Variants in GREB1L observed in about 807,000 individuals in gnomAD.
The protein encoded by GREB1L is GREB1-like protein.
In GREB1L, 17 loss-of-function variants were observed where a neutral mutation model predicts 200.8. The observed-to-expected ratio is 0.08, with a 90% CI of 0.06 to 0.13. The LOEUF is 0.13. Among genes scored for constraint, GREB1L ranks in the 10% least tolerant of loss-of-function variants. The probability of loss-of-function intolerance (pLI) is 1.00; values close to 1 mark genes in which losing one functional copy is unlikely to be tolerated. For missense variants in GREB1L, 1,657 were observed against 2,367.7 expected, an observed-to-expected ratio of 0.70 and a Z score of 6.23; for synonymous variants, 789 against 893.0, an observed-to-expected ratio of 0.88 and a Z score of 2.08.
At chr18:21,406,544 A>G (rs2030259042) in intron 7 of GREB1L, among the ~76,000 whole-genome samples, 1 of 152,236 alleles carries the variant, frequency 6.6e-6, no homozygotes, top group Non-Finnish European at 1.5e-5. Flanking sequence ...TTCTTCTGAC[A>G]CTTGAACATA....
At position 21,525,012 on chromosome 18, in the gene GREB1L, G is replaced by GTGTGTATA. The variant is rs55641891; in HGVS notation, c.*2192_*2193insGTGTATAT. On this transcript the variant is annotated 3_prime_UTR_variant, in exon 33 of 33. Coordinates refer to ENST00000424526, the MANE Select transcript of GREB1L (RefSeq NM_001142966.3). ...AAGCACAGGACACCATGATTTGTGT[G>GTGTGTATA]TATATATATATATATCCTAGTGTGT... 8.3e-5 allele frequency: 12 copies of GTGTGTATA among 145,170 alleles called. No individual in the cohort carries two copies. Among genetic ancestry groups the GTGTGTATA allele is most frequent in the East Asian group, 2.0e-4 (1 of 5,018 alleles). 9.0% of individuals were successfully genotyped at this position (145,170 alleles called of 1,614,324 possible).
intron 1 of GREB1L, among the ~76,000 whole-genome samples, chr18:21,307,517 T>C (rs1172119058): frequency 6.6e-6 from 1 of 152,194 alleles, no homozygotes; most frequent in Non-Finnish European, 1.5e-5. Context: ...TTCTTTCTCA[T>C]TGGATTATGG....
chr18:21,428,332 C>CTTTTTTTTTTTTTTTT (rs59982674), intron 7 of GREB1L, among the ~76,000 whole-genome samples: 14 of 54,038 alleles, frequency 2.6e-4, no homozygotes, highest in South Asian at 8.6e-4. Context: ...GTCTTTTTGT[C>CTTTTTTTTTTTTTTTT]TTTTTTTTTT....
At chr18:21,472,520 T>C (rs1369147898) in intron 15 of GREB1L, among the ~76,000 whole-genome samples, 2 of 152,228 alleles carry the variant, frequency 1.3e-5, no homozygotes, top group African/African-American at 4.8e-5. Flanking sequence ...AGATGGTCAC[T>C]GTATAAAAAT....
intron 1 of GREB1L, among the ~76,000 whole-genome samples, chr18:21,274,399 C>A (rs1345064286): frequency 5.9e-5 from 9 of 151,928 alleles, no homozygotes; most frequent in African/African-American, 2.2e-4. Context: ...TACACACACA[C>A]AAACAACACA....
At chr18:21,487,408 C>T (rs779543028) in intron 18 of GREB1L, among the ~76,000 whole-genome samples, 52 of 152,302 alleles carry the variant, frequency 3.4e-4, no homozygotes, top group Admixed American at 7.2e-4. Flanking sequence ...GGCTTTTCTA[C>T]GTGGCCCAGC....
At chr18:21,426,958 C>CAAAAAAAAAAAAAA (rs568993346) in intron 7 of GREB1L, among the ~76,000 whole-genome samples, 2 of 68,422 alleles carry the variant, frequency 2.9e-5, no homozygotes, top group East Asian at 6.8e-4. Context: ...GACTACGTCT[C>CAAAAAAAAAAAAAA]AAAAAAAAAA....
At position 21,522,813 on chromosome 18, in the gene GREB1L, C is replaced by T; in HGVS notation, c.5764C>T (p.His1922Tyr). 3 of 1,550,302 alleles carry T rather than the reference C, an allele frequency of 1.9e-6. No individual in the cohort carries two copies. Among genetic ancestry groups the T allele is most frequent in the Non-Finnish European group, 2.6e-6 (3 of 1,146,404 alleles). Residue 1922 changes from histidine (H) to tyrosine (Y), a missense_variant, in exon 33 of 33, where the codon CAT becomes TAT. By Grantham distance (83) the His-to-Tyr change is moderately conservative. Around this residue, in one of 9 missense-constraint regions of GREB1L, gnomAD observed 190 missense variants for 230.2 expected, o/e 0.83. Coordinates refer to ENST00000424526, the MANE Select transcript of GREB1L (RefSeq NM_001142966.3). ...GCCTCTCTACTTTCTTACTGGACGTCATGTATGAGCTTTTGAAGAGACCAA... is the reference window on the plus strand; with the variant it reads ...GCCTCTCTACTTTCTTACTGGACGTTATGTATGAGCTTTTGAAGAGACCAA... The part of the protein sequence containing the change: ...DKPLYFLTGR[H>Y]V
chr18:21,285,600 A>G (rs2038342589), intron 1 of GREB1L, among the ~76,000 whole-genome samples: 1 of 152,218 alleles, frequency 6.6e-6, no homozygotes, highest in Non-Finnish European at 1.5e-5. Flanking sequence ...AGAACAAATC[A>G]ACCAGAACCT....
intron 1 of GREB1L, among the ~76,000 whole-genome samples, chr18:21,267,134 A>T (rs1015831335): frequency 6.9e-6 from 1 of 144,070 alleles, no homozygotes. Context: ...GGGTTTCACT[A>T]TGTTGGCCAG....
At chr18:21,249,048 C>T (rs1415334640) in intron 1 of GREB1L, among the ~76,000 whole-genome samples, 1 of 152,150 alleles carries the variant, frequency 6.6e-6, no homozygotes, top group African/African-American at 2.4e-5. Flanking sequence ...ACATTAGAAA[C>T]CACCTAAACA....
rs577431883 is a variant in GREB1L at position 21,347,759 on chromosome 18, G to A, written c.-119-18268G>A. On this transcript the variant is annotated intron_variant, in intron 1 of 32. Transcript: ENST00000424526. ...CGTGAGCCACCATGCCCAGCCCCCC[G>A]ACCTTTTTTTTTTTTTTTTTTTTTT... is the stretch of plus-strand genomic sequence containing the variant. Among the ~76,000 whole-genome samples, 76 of 131,708 alleles carry A rather than the reference G, an allele frequency of 5.8e-4. 2 individuals are homozygous for A. In the South Asian group the frequency reaches 0.018, roughly 31 times the overall value. 86.4% of individuals were successfully genotyped at this position (131,708 alleles called of 152,430 possible).
At chr18:21,414,205 T>TA in intron 7 of GREB1L, among the ~76,000 whole-genome samples, 1 of 152,110 alleles carries the variant, frequency 6.6e-6, no homozygotes, top group Non-Finnish European at 1.5e-5. Context: ...ATGAAGATGC[T>TA]AAAAAAGATC....
At chr18:21,442,974 A>C (rs1008139905) in intron 10 of GREB1L, among the ~76,000 whole-genome samples, 1 of 152,074 alleles carries the variant, frequency 6.6e-6, no homozygotes, top group Non-Finnish European at 1.5e-5. Flanking sequence ...CAGTGGCACA[A>C]TCTCTGCTCA....
intron 23 of GREB1L, among the ~76,000 whole-genome samples, chr18:21,502,507 CTAGTT>C (rs1462186845): frequency 1.3e-5 from 2 of 152,154 alleles, no homozygotes; most frequent in East Asian, 3.9e-4. Context: ...GCCCAAGAAA[CTAGTT>C]TAGGGCCGAG....
intron 19 of GREB1L, among the ~76,000 whole-genome samples, chr18:21,490,794 G>A (rs755749714): frequency 5.3e-5 from 8 of 152,062 alleles, no homozygotes; most frequent in Non-Finnish European, 5.9e-5. Flanking sequence ...GTCTAGAGTC[G>A]GTAAAGTATT....
At chr18:21,456,431 C>G (rs532264124) in intron 15 of GREB1L, among the ~76,000 whole-genome samples, 1 of 152,226 alleles carries the variant, frequency 6.6e-6, no homozygotes, top group African/African-American at 2.4e-5. Context: ...CAAATTTTCT[C>G]ATATGCTCCA....
At chr18:21,323,245 A>T (rs2038976672) in intron 1 of GREB1L, among the ~76,000 whole-genome samples, 1 of 152,044 alleles carries the variant, frequency 6.6e-6, no homozygotes, top group Non-Finnish European at 1.5e-5. Context: ...CCGAGATTGC[A>T]CCATGTACCC....
At chr18:21,520,650 C>T (rs2037575766) in intron 31 of GREB1L, 38 bp from the exon 32 acceptor site, 1 of 1,550,732 alleles carries the variant, frequency 6.4e-7, no homozygotes, top group Non-Finnish European at 8.7e-7. Context: ...TTTGCTTGCT[C>T]TTGAAATGCC....
Sources: gnomAD v4.1 joint callset for allele counts (sites outside exome capture counted in the v4.1 genomes callset) on GRCh38, gnomAD v4.1.1 for gene constraint, gnomAD v4.1.1 regional missense constraint, MANE v1.5 for transcripts, NCBI Gene and HGNC (gene_info 2026-07-23, HGNC 2026-07-21) for gene names.